The following ZNF704 variants were observed in gnomAD, a reference collection of about 807,000 sequenced individuals.
ZNF704 encodes the protein glucocorticoid induced gene 1.
In ZNF704, 10 loss-of-function variants were observed where a neutral mutation model predicts 44.7. That is an observed-to-expected ratio of 0.22 (90% confidence interval 0.14 to 0.38). The LOEUF is 0.38. Ranked by LOEUF, ZNF704 falls within the 10% of genes least tolerant of loss-of-function variation. The probability of loss-of-function intolerance (pLI) is 1.00; values close to 1 mark genes in which losing one functional copy is unlikely to be tolerated. For synonymous variants in ZNF704, 211 were observed against 207.6 expected (o/e 1.02, Z -0.14); for missense variants, 390 against 545.5 (o/e 0.71, Z 2.84).
chr8:80,825,576 C>T (rs1034915180), intron 1 of ZNF704, among the ~76,000 whole-genome samples: 4 of 152,116 alleles, frequency 2.6e-5, no homozygotes, highest in Admixed American at 2.0e-4. Flanking sequence ...CCAAGCAGAC[C>T]TAATAGACAT....
chr8:80,682,322 T>C (rs1818466506), intron 4 of ZNF704, among the ~76,000 whole-genome samples: 2 of 152,248 alleles, frequency 1.3e-5, no homozygotes, highest in African/African-American at 4.8e-5. Flanking sequence ...GCACCTTATG[T>C]TAACTCAGTG....
intron 2 of ZNF704, among the ~76,000 whole-genome samples, chr8:80,720,591 C>T (rs1554576278): frequency 6.6e-6 from 1 of 152,226 alleles, no homozygotes; most frequent in Non-Finnish European, 1.5e-5. Flanking sequence ...CTGCCCATGG[C>T]CCTTTTTTTG....
At chr8:80,649,344 T>C (rs1282173230) in intron 7 of ZNF704, among the ~76,000 whole-genome samples, 1 of 151,976 alleles carries the variant, frequency 6.6e-6, no homozygotes, top group Non-Finnish European at 1.5e-5. Context: ...GCACACCGAG[T>C]GTGAGCCGAA....
At chr8:80,648,292 T>C (rs1383918301) in intron 7 of ZNF704, among the ~76,000 whole-genome samples, 5 of 152,232 alleles carry the variant, frequency 3.3e-5, no homozygotes, top group Non-Finnish European at 7.3e-5. Flanking sequence ...TTCCTGCTAA[T>C]GGCTCTCTTA....
At chr8:80,675,562 A>G (rs1818352296) in intron 4 of ZNF704, among the ~76,000 whole-genome samples, 1 of 152,182 alleles carries the variant, frequency 6.6e-6, no homozygotes, top group East Asian at 1.9e-4. Context: ...TGCAGGTGAG[A>G]AGAGATGGTG....
intron 2 of ZNF704, among the ~76,000 whole-genome samples, chr8:80,706,644 C>A (rs1161712265): frequency 1.3e-5 from 2 of 152,246 alleles, no homozygotes; most frequent in Non-Finnish European, 2.9e-5. Flanking sequence ...GGGGCCTGGG[C>A]TCTGGGTAAT....
chr8:80,880,825 A>C, the ZNF704 span, among the ~76,000 whole-genome samples: 1 of 152,276 alleles, frequency 6.6e-6, no homozygotes, highest in Non-Finnish European at 1.5e-5. Context: ...AGTGAAAGAT[A>C]GAAAATATTA....
rs981943172 is a variant in ZNF704, at chr8:80,631,338, C to T, written c.*10028G>A. ...CTGTGCCCAAAACATAGGAAGGGGGCTCCAGTGGAGTGAGGGACAAGTGCT... is the reference window on the plus strand; with the variant it reads ...CTGTGCCCAAAACATAGGAAGGGGGTTCCAGTGGAGTGAGGGACAAGTGCT... On this transcript the variant is annotated 3_prime_UTR_variant, in exon 9 of 9. Coordinates refer to ENST00000327835, the MANE Select transcript of ZNF704 (RefSeq NM_001033723.3). 1.3e-5 allele frequency: 2 copies of T among 152,168 alleles called. No homozygotes were observed. Among genetic ancestry groups the T allele is most frequent in the Admixed American group, 6.5e-5 (1 of 15,280 alleles). 9.4% of individuals were successfully genotyped at this position (152,168 alleles called of 1,614,324 possible).
At chr8:80,826,609 G>C (rs1656173953) in intron 1 of ZNF704, among the ~76,000 whole-genome samples, 1 of 152,130 alleles carries the variant, frequency 6.6e-6, no homozygotes, top group South Asian at 2.1e-4. Flanking sequence ...AAGCCGGGCA[G>C]AGACACAACA....
intron 2 of ZNF704, among the ~76,000 whole-genome samples, chr8:80,794,227 T>C (rs1807761347): frequency 6.6e-6 from 1 of 152,180 alleles, no homozygotes; most frequent in African/African-American, 2.4e-5. Context: ...ATTATTTTGG[T>C]GAATTTTGAC....
intron 5 of ZNF704, among the ~76,000 whole-genome samples, chr8:80,666,758 G>A (rs1290857786): frequency 5.3e-5 from 8 of 150,552 alleles, no homozygotes; most frequent in Admixed American, 3.3e-4. Context: ...CTGCATAAAT[G>A]TCTTCTTTTG....
intron 2 of ZNF704, among the ~76,000 whole-genome samples, chr8:80,816,921 A>G (rs1808185669): frequency 6.6e-6 from 1 of 152,168 alleles, no homozygotes; most frequent in African/African-American, 2.4e-5. Context: ...GCAATATCCC[A>G]GGGGTAAGCA....
In ZNF704 at chr8:80,659,606, C is replaced by G; in HGVS notation, c.1011G>C (p.Pro337=). The G allele has an allele frequency of 6.2e-7, 1 of 1,613,796 alleles. No homozygotes were observed. Among genetic ancestry groups the G allele is most frequent in the Non-Finnish European group, 8.5e-7 (1 of 1,179,864 alleles). ...SSFSISWQSP[P]VTFTGIPVSP... Reference sequence around the variant, plus strand: ...TTACTGGGATGCCTGTGAAAGTGACCGGAGGAGATTGCCAGGAAATGCTGA... The same window carrying G: ...TTACTGGGATGCCTGTGAAAGTGACGGGAGGAGATTGCCAGGAAATGCTGA... The change falls in exon 7 of 9, where the codon CCG becomes CCC. Residue 337 remains proline (P), a synonymous_variant. Transcript: ENST00000327835.
the ZNF704 span, among the ~76,000 whole-genome samples, chr8:80,880,165 A>T: frequency 6.6e-5 from 10 of 152,210 alleles, no homozygotes; most frequent in African/African-American, 2.4e-4. Context: ...AGCTCTGGCC[A>T]CACACTTGTC....
the ZNF704 span, among the ~76,000 whole-genome samples, chr8:80,883,074 CAAAAAAAAAAAA>C: frequency 2.3e-5 from 1 of 43,212 alleles, no homozygotes; most frequent in African/African-American, 8.7e-5. Flanking sequence ...CCTGTCTCTA[CAAAAAAAAAAAA>C]AAAAAAAAAA....
In ZNF704 at chr8:80,679,719, G is replaced by A. The variant is rs375218100; in HGVS notation, c.558+7507C>T. 3.9e-5 allele frequency among the ~76,000 whole-genome samples: 6 copies of A among 152,338 alleles called. No individual in the cohort carries two copies. The South Asian group carries it at 8.3e-4, about 21-fold the overall frequency. On this transcript the variant is annotated intron_variant, in intron 4 of 8. Coordinates refer to ENST00000327835, the MANE Select transcript of ZNF704 (RefSeq NM_001033723.3). ...GCCACCATTGATTGGGAACCACTCT[G>A]TGCCTGGTCCTGTGCTAGCAGCTTC...
chr8:80,770,510 G>A (rs1807302488), intron 2 of ZNF704, among the ~76,000 whole-genome samples: 2 of 152,074 alleles, frequency 1.3e-5, no homozygotes, highest in Admixed American at 6.5e-5. Flanking sequence ...TGTCCTCCTT[G>A]GTGAACTGTC....
chr8:80,780,362 G>A (rs1807497628), intron 2 of ZNF704, among the ~76,000 whole-genome samples: 1 of 152,174 alleles, frequency 6.6e-6, no homozygotes, highest in African/African-American at 2.4e-5. Flanking sequence ...GGTGCAAGTA[G>A]GACTTGAGAA....
At chr8:80,772,202 T>C (rs2129663931) in intron 2 of ZNF704, among the ~76,000 whole-genome samples, 1 of 152,374 alleles carries the variant, frequency 6.6e-6, no homozygotes, top group Non-Finnish European at 1.5e-5. Flanking sequence ...TCATTGGTTT[T>C]GGTATTAGGG....
Sources: gnomAD v4.1 joint callset for allele counts (sites outside exome capture counted in the v4.1 genomes callset) on GRCh38, gnomAD v4.1.1 for gene constraint, MANE v1.5 for transcripts, NCBI Gene and HGNC (gene_info 2026-07-23, HGNC 2026-07-21) for gene names.